ANXA4: variants seen among roughly 807,000 people sequenced by gnomAD.
ANXA4 encodes the protein 35-beta calcimedin.
Under a neutral mutation model 49.8 loss-of-function variants are expected in ANXA4, and 39 were observed. The ratio of observed to expected loss-of-function variants is 0.78; its 90% CI spans 0.61 to 1.02. ANXA4 has a LOEUF of 1.02. ANXA4 is among the 50% of genes least tolerant of loss of function. The pLI is 0.00. For synonymous variants in ANXA4, 134 were observed against 152.5 expected (o/e 0.88, Z 0.89); for missense variants, 360 against 410.1 (o/e 0.88, Z 1.05).
chr2:69,686,173 T>C (rs1677779502), intron 2 of ANXA4, among the ~76,000 whole-genome samples: 1 of 151,784 alleles, frequency 6.6e-6, no homozygotes, highest in African/African-American at 2.4e-5. Flanking sequence ...CGAGACAGGG[T>C]CTTGTTTTGT....
intron 2 of ANXA4, among the ~76,000 whole-genome samples, chr2:69,689,599 G>A (rs924492343): frequency 1.3e-5 from 2 of 152,082 alleles, no homozygotes; most frequent in Non-Finnish European, 2.9e-5. Flanking sequence ...ATTTAAGGTC[G>A]TTATGTAGTT....
At chr2:69,671,579 C>G (rs1417207223) in intron 2 of ANXA4, among the ~76,000 whole-genome samples, 1 of 152,070 alleles carries the variant, frequency 6.6e-6, no homozygotes, top group Non-Finnish European at 1.5e-5. Flanking sequence ...ACAAATTAAC[C>G]AGGTGTAGTG....
chr2:69,781,437 C>A, intron 1 of ANXA4, 83 bp from the exon 2 acceptor site: 1 of 1,164,106 alleles, frequency 8.6e-7, no homozygotes, highest in Non-Finnish European at 1.3e-6. Flanking sequence ...GGCTTAGCTT[C>A]ATGCAAACTG....
At chr2:69,702,732 A>G (rs1420053212) in intron 2 of ANXA4, among the ~76,000 whole-genome samples, 1 of 152,172 alleles carries the variant, frequency 6.6e-6, no homozygotes, top group Non-Finnish European at 1.5e-5. Flanking sequence ...AATTATTTTG[A>G]AGCAGATCCC....
chr2:69,814,184 A>G (rs956040294), intron 8 of ANXA4, among the ~76,000 whole-genome samples: 4 of 152,014 alleles, frequency 2.6e-5, no homozygotes, highest in African/African-American at 9.7e-5. Context: ...GAGGGGATAG[A>G]GGTATGTGTG....
intron 3 of ANXA4, among the ~76,000 whole-genome samples, chr2:69,722,510 C>CT (rs1669841237): frequency 6.6e-6 from 1 of 151,890 alleles, no homozygotes; most frequent in Non-Finnish European, 1.5e-5. Flanking sequence ...TGAAATAAGG[C>CT]AGACGCAAAA....
In ANXA4 at chr2:69,671,686, G is replaced by A. The variant is rs543574163; in HGVS notation, n.766+18404G>A. Among the ~76,000 whole-genome samples the A allele has an allele frequency of 6.6e-5, 10 of 152,312 alleles. No homozygotes were observed. In the South Asian group the frequency reaches 2.1e-3, roughly 32 times the overall value. On this transcript the variant is annotated intron_variant and non_coding_transcript_variant, in intron 2 of 3. Transcript: ENST00000418066. ...TGCAGTAAGCTGAGATTGCGCCACT[G>A]CACTCCTGCCTGGGCGATATAATGA...
intron 2 of ANXA4, among the ~76,000 whole-genome samples, chr2:69,786,047 A>G (rs966511436): frequency 2.6e-5 from 4 of 152,220 alleles, no homozygotes; most frequent in Non-Finnish European, 4.4e-5. Flanking sequence ...CTTATACCGT[A>G]TAACCAATTG....
At chr2:69,656,102 C>G (rs1392961142) in intron 2 of ANXA4, among the ~76,000 whole-genome samples, 1 of 151,036 alleles carries the variant, frequency 6.6e-6, no homozygotes, top group Non-Finnish European at 1.5e-5. Context: ...TCCAGCAAAC[C>G]ACCATGGCAT....
At chr2:69,673,003 A>T (rs1005022953) in intron 2 of ANXA4, among the ~76,000 whole-genome samples, 5 of 152,226 alleles carry the variant, frequency 3.3e-5, no homozygotes, top group Non-Finnish European at 5.9e-5. Flanking sequence ...ATCATTAAAA[A>T]GTCGGGGAAC....
At chr2:69,800,050 C>T (rs1192636629) in intron 3 of ANXA4, among the ~76,000 whole-genome samples, 1 of 150,534 alleles carries the variant, frequency 6.6e-6, no homozygotes, top group Non-Finnish European at 1.5e-5. Flanking sequence ...GACTTGCCCA[C>T]GGTCTCAGAA....
At chr2:69,804,663 T>C in intron 4 of ANXA4, 36 bp downstream of exon 4, 1 of 1,563,480 alleles carries the variant, frequency 6.4e-7, no homozygotes, top group Non-Finnish European at 8.7e-7. Flanking sequence ...TCTGGCTGAC[T>C]TCGCAGCAAC....
intron 3 of ANXA4, among the ~76,000 whole-genome samples, chr2:69,723,863 A>G (rs1669887079): frequency 6.6e-6 from 1 of 152,148 alleles, no homozygotes; most frequent in African/African-American, 2.4e-5. Flanking sequence ...CTGTGATGCT[A>G]TTTTCCTAAA....
chr2:69,781,695 C>A, intron 2 of ANXA4, 121 bp downstream of exon 2: 2 of 1,150,956 alleles, frequency 1.7e-6, no homozygotes, highest in Non-Finnish European at 2.6e-6. Flanking sequence ...AGGAGGAGGA[C>A]ATGAAAAGGC....
chr2:69,770,479 A>G (rs1671661681), intron 1 of ANXA4, among the ~76,000 whole-genome samples: 1 of 152,230 alleles, frequency 6.6e-6, no homozygotes, highest in Non-Finnish European at 1.5e-5. Flanking sequence ...GGAAGGATTC[A>G]GTAGGAATGT....
At chr2:69,799,948 G>C (rs961015104) in intron 3 of ANXA4, among the ~76,000 whole-genome samples, 2 of 152,240 alleles carry the variant, frequency 1.3e-5, no homozygotes, top group African/African-American at 4.8e-5. Context: ...GTCAGACATA[G>C]AGATAGATGC....
At position 69,793,556 on chromosome 2, in the gene ANXA4, A is replaced by G. The variant is rs527997763; in HGVS notation, c.97+5415A>G. ...ACAAACAGAAGAAGATCCAGCAGTT[A>G]TAAGATTTTGCATTTGCCAATGTCC... On this transcript the variant is annotated intron_variant, in intron 3 of 12. Coordinates refer to ENST00000394295, the MANE Select transcript of ANXA4 (RefSeq NM_001153.5). 2.0e-5 allele frequency among the ~76,000 whole-genome samples: 3 copies of G among 152,282 alleles called. No homozygotes were observed. The South Asian group carries it at 6.2e-4, about 32-fold the overall frequency.
rs944707309 is a variant in ANXA4 at position 69,729,358 on chromosome 2, C to A, written n.864+8487C>A. The stretch of plus-strand genomic sequence containing the variant: ...TTTTCAGTGTAGTGGTCTTATACAA[C>A]TTCCATTGATTTATTCCTAGGCATT... On this transcript the variant is annotated intron_variant and non_coding_transcript_variant, in intron 3 of 3. Coordinates refer to the ANXA4 transcript ENST00000418066. 1.3e-4 allele frequency among the ~76,000 whole-genome samples: 20 copies of A among 152,344 alleles called. 1 individual carries two copies. The highest frequency in any genetic ancestry group is 7.8e-4 in the Admixed American group (12 of 15,310).
chr2:69,769,799 A>G lies in ANXA4; in HGVS notation c.-46-11721A>G, dbSNP rs1671639356. Reference sequence around the variant, plus strand: ...TGCCTCAGACTCCCGGGTAGCTGGGATTACAGGCACGTGCCACCACACCCA... The same window carrying G: ...TGCCTCAGACTCCCGGGTAGCTGGGGTTACAGGCACGTGCCACCACACCCA... On this transcript the variant is annotated intron_variant, in intron 1 of 12. Transcript: ENST00000394295. Among the ~76,000 whole-genome samples, 4 of 152,118 alleles carry G rather than the reference A, an allele frequency of 2.6e-5. No individual in the cohort carries two copies. The South Asian group carries it at 8.3e-4, about 32-fold the overall frequency.
Sources: allele counts gnomAD v4.1 joint callset (sites outside exome capture counted in the v4.1 genomes callset), GRCh38; gene constraint gnomAD v4.1.1; transcripts MANE v1.5; gene names NCBI Gene and HGNC (gene_info 2026-07-23, HGNC 2026-07-21).